The following TEX14 variants were observed in gnomAD, a reference collection of about 807,000 sequenced individuals.
TEX14 encodes inactive serine/threonine-protein kinase TEX14.
Under a neutral mutation model 178.6 loss-of-function variants are expected in TEX14, and 168 were observed. That is an observed-to-expected ratio of 0.94 (90% CI 0.83 to 1.07). The LOEUF is 1.07. Among genes scored for constraint, TEX14 ranks in the 50% least tolerant of loss-of-function variants. The probability of loss-of-function intolerance (pLI) is 0.00; values close to 1 mark genes in which losing one functional copy is unlikely to be tolerated. For missense variants in TEX14, 1,730 were observed against 1,753.6 expected (o/e 0.99, Z 0.24); for synonymous variants, 626 against 634.1 (o/e 0.99, Z 0.19).
intron 1 of TEX14, among the ~76,000 whole-genome samples, chr17:58,691,733 TC>T (rs1035873596): frequency 4.0e-5 from 6 of 148,822 alleles, no homozygotes; most frequent in Admixed American, 3.3e-4. Flanking sequence ...TAAGTTACAC[TC>T]ACCTAGGCAA....
Position 58,572,079 on chromosome 17 carries a change from T to C in TEX14, c.3559A>G (p.Ile1187Val). Residue 1187 changes from isoleucine to valine, a missense_variant, in exon 24 of 32, where the codon ATC (isoleucine) becomes GTC (valine). Transcript: ENST00000349033. ...ASQYKDCLESITFQVKTEFAS... is the reference protein window; with the variant it reads ...ASQYKDCLESVTFQVKTEFAS... Reference sequence around the variant, plus strand: ...AACTCTGTCTTAACCTGAAATGTGATACTTTCAAGGCAGTCTTTATACTGA... The same window carrying C: ...AACTCTGTCTTAACCTGAAATGTGACACTTTCAAGGCAGTCTTTATACTGA... The C allele has an allele frequency of 6.2e-7, 1 of 1,614,158 alleles. No individual in the cohort carries two copies.
At position 58,584,552 on chromosome 17, in the gene TEX14, T is replaced by C. The variant is rs1440085936; in HGVS notation, c.3119A>G (p.Glu1040Gly). 1 of 1,614,188 alleles carries C rather than the reference T, an allele frequency of 6.2e-7. No individual in the cohort carries two copies. The change falls in exon 19 of 32, where the codon GAA (glutamate) becomes GGA (glycine). Residue 1040 changes from glutamate to glycine, a missense_variant. Glu to Gly is a moderately conservative substitution (Grantham distance 98, BLOSUM62 -2). Around this residue, in one of 2 missense-constraint regions of TEX14, gnomAD observed 941 missense variants for 1,072.4 expected, o/e 0.88. Coordinates refer to ENST00000349033, the MANE Select transcript of TEX14 (RefSeq NM_031272.5). ...PRQKEQPEHS[E>G]AFQASSDTLV... ...TGTGTCAGAACTTGCTTGGAAGGCT[T>C]CACTATGCTCTGGTTGCTCCTTTTG...
Position 58,587,849 on chromosome 17 carries a change from C to T in TEX14, c.2702+47G>A, listed in dbSNP as rs374308750. The stretch of plus-strand genomic sequence containing the variant: ...ACCAGCAGAGGGTGCCAGAACCCAC[C>T]CCCACCCCCGCTCCACCACCAGTTT... On this transcript the variant is annotated intron_variant, in intron 16 of 31. Coordinates refer to ENST00000349033, the MANE Select transcript of TEX14 (RefSeq NM_031272.5). The T allele has an allele frequency of 5.7e-5, 62 of 1,086,696 alleles. No homozygotes were observed. The African/African-American group carries it at 8.8e-4, about 15-fold the overall frequency. 67.3% of individuals were successfully genotyped at this position (1,086,696 alleles called of 1,614,324 possible).
intron 3 of TEX14, among the ~76,000 whole-genome samples, chr17:58,623,760 G>T (rs535363962): frequency 6.4e-5 from 9 of 141,248 alleles, no homozygotes; most frequent in South Asian, 2.5e-4. Flanking sequence ...AAGAAAGAAG[G>T]AGAAGAAGGA....
chr17:58,621,417 G>A (rs1263436637), intron 5 of TEX14, among the ~76,000 whole-genome samples: 2 of 152,208 alleles, frequency 1.3e-5, no homozygotes, highest in South Asian at 2.1e-4. Context: ...TTCCATCAGA[G>A]CCCACACTCA....
chr17:58,634,934 C>T (rs886619132), intron 2 of TEX14, among the ~76,000 whole-genome samples: 3 of 152,088 alleles, frequency 2.0e-5, no homozygotes, highest in African/African-American at 7.2e-5. Flanking sequence ...GAGTTCAAGA[C>T]CAGCCTGGCC....
At chr17:58,579,050 T>C (rs1247857863) in intron 20 of TEX14, among the ~76,000 whole-genome samples, 4 of 152,264 alleles carry the variant, frequency 2.6e-5, no homozygotes, top group Admixed American at 6.5e-5. Flanking sequence ...AGTTAACTTA[T>C]ATCTGTCTGG....
intron 19 of TEX14, among the ~76,000 whole-genome samples, chr17:58,580,724 G>A (rs1276238313): frequency 6.6e-6 from 1 of 152,154 alleles, no homozygotes; most frequent in Non-Finnish European, 1.5e-5. Context: ...TTAGCAGGGA[G>A]GTAGGGTGGA....
At chr17:58,679,377 G>A (rs942492939) in intron 1 of TEX14, 4 of 152,134 alleles carry the variant, frequency 2.6e-5, no homozygotes, top group Non-Finnish European at 5.9e-5. Context: ...CCAACCACGA[G>A]GGGTGTGAGA....
At chr17:58,574,004 T>TA (rs1304339707) in intron 22 of TEX14, among the ~76,000 whole-genome samples, 183 bp downstream of exon 22, 9 of 152,314 alleles carry the variant, frequency 5.9e-5, no homozygotes, top group Non-Finnish European at 1.3e-4. Flanking sequence ...TCCTTGAGTG[T>TA]AAGCTGCTAT....
At chr17:58,616,418 A>T in intron 6 of TEX14, 113 bp from the exon 7 acceptor site, 1 of 1,399,124 alleles carries the variant, frequency 7.1e-7, no homozygotes, top group Non-Finnish European at 9.6e-7. Context: ...CAACTTTCTG[A>T]ATACCCCTAT....
At chr17:58,668,665 T>C (rs923275218) in intron 1 of TEX14, among the ~76,000 whole-genome samples, 2 of 152,186 alleles carry the variant, frequency 1.3e-5, no homozygotes, top group African/African-American at 2.4e-5. Context: ...TTAAAATCCA[T>C]GTAGTCATCC....
rs1598359209 is a variant in TEX14, at chr17:58,585,826, T to C, written c.3045A>G (p.Arg1015=). Residue 1015 remains arginine, a synonymous_variant, in exon 18 of 32, where the codon AGA becomes AGG. Transcript: ENST00000349033. ...TGGTGAAGCTTCCAAGCCTGGGCTG[T>C]CTGCCATGCTGGTCACTGTCACAGT... is the stretch of plus-strand genomic sequence containing the variant. ...NNDCDSDQHG[R]QPRLGSFTSI... The C allele has an allele frequency of 5.0e-6, 8 of 1,614,086 alleles. No homozygotes were observed. Among genetic ancestry groups the C allele is most frequent in the Non-Finnish European group, 4.2e-6 (5 of 1,180,016 alleles).
chr17:58,673,983 G>A (rs972626356), intron 1 of TEX14, among the ~76,000 whole-genome samples: 1 of 152,096 alleles, frequency 6.6e-6, no homozygotes, highest in African/African-American at 2.4e-5. Flanking sequence ...CTTATAAAAG[G>A]AAACCCTGGG....
At chr17:58,677,321 G>A (rs1345444435) in intron 1 of TEX14, among the ~76,000 whole-genome samples, 1 of 152,080 alleles carries the variant, frequency 6.6e-6, no homozygotes, top group East Asian at 1.9e-4. Context: ...TCCTTCCTGA[G>A]TTTGATTTCC....
rs1207004457 is a variant in TEX14 at position 58,556,824 on chromosome 17, C to T, written c.*187G>A. 2.0e-6 allele frequency: 1 copy of T among 492,744 alleles called. No homozygotes were observed. The highest frequency in any genetic ancestry group is 1.9e-5 in the African/African-American group (1 of 51,940). The allele number at this position is 492,744 out of a possible 1,614,324, so 30.5% of individuals were successfully genotyped here. A position where few individuals can be genotyped will look rare whatever the true frequency, so the allele number is the denominator to read the frequency against. On this transcript the variant is annotated 3_prime_UTR_variant, in exon 32 of 32. Transcript: ENST00000349033. Reference sequence around the variant, plus strand: ...CACTTTTCAGAAATCTGACTGAAAACAAATGGTTGAATGTGCTGCTAACAG... The same window carrying T: ...CACTTTTCAGAAATCTGACTGAAAATAAATGGTTGAATGTGCTGCTAACAG...
chr17:58,670,771 T>TCAAAAAA lies in TEX14; in HGVS notation c.-1-18770_-1-18769insTTTTTTG, dbSNP rs1598432610. On this transcript the variant is annotated intron_variant, in intron 1 of 31. Coordinates refer to ENST00000349033, the MANE Select transcript of TEX14 (RefSeq NM_031272.5). ...CTGGGCGACAGAGTGAGACTCCCTC[T>TCAAAAAA]TAAAAAAAAAAAAAAAAAAAAAAAA... Among the ~76,000 whole-genome samples, 14 of 7,956 alleles carry TCAAAAAA rather than the reference T, an allele frequency of 1.8e-3. 6 individuals are homozygous for TCAAAAAA. Among genetic ancestry groups the TCAAAAAA allele is most frequent in the African/African-American group, 1.4e-3 (3 of 2,180 alleles). The allele number at this position is 7,956 out of a possible 152,430, so 5.2% of individuals were successfully genotyped here. A position where few individuals can be genotyped will look rare whatever the true frequency, so the allele number is the denominator to read the frequency against.
chr17:58,586,178 T>C (rs190072746), intron 17 of TEX14, 96 bp from the exon 18 acceptor site: 22 of 1,344,972 alleles, frequency 1.6e-5, no homozygotes, highest in East Asian at 4.8e-5. Flanking sequence ...TTATAACTCA[T>C]AGTGTAACAA....
intron 18 of TEX14, among the ~76,000 whole-genome samples, chr17:58,585,394 A>C (rs1467190116): frequency 6.6e-6 from 1 of 151,942 alleles, no homozygotes; most frequent in Admixed American, 6.6e-5. Flanking sequence ...GACCAAACCA[A>C]AAAAAATATG....
Sources: gnomAD v4.1 joint callset for allele counts (sites outside exome capture counted in the v4.1 genomes callset) on GRCh38, gnomAD v4.1.1 for gene constraint, gnomAD v4.1.1 regional missense constraint, MANE v1.5 for transcripts, NCBI Gene and HGNC (gene_info 2026-07-23, HGNC 2026-07-21) for gene names.